CNTNAP2: variants seen among roughly 807,000 people sequenced by gnomAD.
CNTNAP2 encodes the protein contactin-associated protein-like 2.
In CNTNAP2, 98 loss-of-function variants were observed where a neutral mutation model predicts 155.2. The ratio of observed to expected loss-of-function variants is 0.63; its 90% CI spans 0.54 to 0.75. The LOEUF is 0.75. Among genes scored for constraint, CNTNAP2 ranks in the 30% least tolerant of loss-of-function variants. The pLI, the probability that CNTNAP2 is intolerant of heterozygous loss-of-function variation, is 0.00. For missense variants in CNTNAP2, 1,727 were observed against 1,688.1 expected, an observed-to-expected ratio of 1.02 and a Z score of -0.40; for synonymous variants, 651 against 631.2, an observed-to-expected ratio of 1.03 and a Z score of -0.47.
intron 8 of CNTNAP2, among the ~76,000 whole-genome samples, chr7:147,235,185 GT>G (rs112089083): frequency 2.6e-5 from 4 of 151,038 alleles, no homozygotes; most frequent in South Asian, 2.1e-4. Flanking sequence ...CTTAGACATT[GT>G]TTTTTTTTCC....
In CNTNAP2 at chr7:147,353,776, G is replaced by A. The variant is rs192596693; in HGVS notation, c.1499-41833G>A. Among the ~76,000 whole-genome samples, 389 of 152,160 alleles carry A rather than the reference G, an allele frequency of 2.6e-3. 6 individuals carry two copies. The highest frequency in any genetic ancestry group is 0.014 in the South Asian group (65 of 4,812). On this transcript the variant is annotated intron_variant, in intron 9 of 23. Coordinates refer to ENST00000361727, the MANE Select transcript of CNTNAP2 (RefSeq NM_014141.6). ...ACACTCCCACCAACACTGTAAAAGC[G>A]TTTATATTTCTCCACATCTTCTCCA...
intron 13 of CNTNAP2, among the ~76,000 whole-genome samples, chr7:147,778,433 G>A (rs915939438): frequency 2.0e-5 from 3 of 152,124 alleles, no homozygotes; most frequent in African/African-American, 7.2e-5. Flanking sequence ...AAAATGTTCA[G>A]GAATCACATT....
chr7:147,206,471 G>T (rs80257111), intron 8 of CNTNAP2, among the ~76,000 whole-genome samples: 1 of 152,100 alleles, frequency 6.6e-6, no homozygotes, highest in East Asian at 1.9e-4. Flanking sequence ...GCTGAGGCAC[G>T]AGAATCACTT....
chr7:148,253,127 A>C (rs771126368), intron 20 of CNTNAP2, among the ~76,000 whole-genome samples: 1 of 152,092 alleles, frequency 6.6e-6, no homozygotes, highest in East Asian at 1.9e-4. Context: ...ATCAATCCAA[A>C]CTTTGCATCC....
At chr7:147,078,176 A>G (rs2129267463) in intron 4 of CNTNAP2, among the ~76,000 whole-genome samples, 1 of 152,352 alleles carries the variant, frequency 6.6e-6, no homozygotes, top group Non-Finnish European at 1.5e-5. Context: ...TCTCTGCTGC[A>G]AAATATACCT....
At chr7:146,425,428 C>G (rs1041407781) in intron 1 of CNTNAP2, among the ~76,000 whole-genome samples, 4 of 152,120 alleles carry the variant, frequency 2.6e-5, no homozygotes, top group Non-Finnish European at 5.9e-5. Flanking sequence ...AAAGAATTGG[C>G]AAGCAGCCAT....
chr7:148,005,891 G>T (rs10485853), intron 15 of CNTNAP2, among the ~76,000 whole-genome samples: 6,043 of 152,238 alleles, frequency 0.04, 250 homozygotes, highest in East Asian at 0.24. Context: ...ATGGTTTAAT[G>T]TGAGCCATGG....
chr7:148,221,172 T>A (rs2116763707), intron 19 of CNTNAP2, among the ~76,000 whole-genome samples: 1 of 152,346 alleles, frequency 6.6e-6, no homozygotes, highest in Middle Eastern at 3.4e-3. Context: ...AGGGCGTTGA[T>A]CAATGGATTC....
intron 8 of CNTNAP2, among the ~76,000 whole-genome samples, chr7:147,219,861 C>T (rs772831827): frequency 1.2e-4 from 19 of 152,010 alleles, no homozygotes; most frequent in Non-Finnish European, 1.6e-4. Flanking sequence ...CTGCAAGCTC[C>T]GCCTCCCGGG....
intron 8 of CNTNAP2, among the ~76,000 whole-genome samples, chr7:147,134,027 C>T (rs1801429716): frequency 6.6e-6 from 1 of 151,948 alleles, no homozygotes; most frequent in South Asian, 2.1e-4. Context: ...ATGTTTGCCA[C>T]AGTTGAAAAA....
At chr7:146,744,588 AGTT>A (rs1434077117) in intron 1 of CNTNAP2, among the ~76,000 whole-genome samples, 2 of 152,180 alleles carry the variant, frequency 1.3e-5, no homozygotes, top group African/African-American at 4.8e-5. Flanking sequence ...TTGAAAATGG[AGTT>A]GTTAAGTCAA....
At chr7:146,586,038 A>AACAAAC in intron 1 of CNTNAP2, among the ~76,000 whole-genome samples, 1 of 152,124 alleles carries the variant, frequency 6.6e-6, no homozygotes, top group Non-Finnish European at 1.5e-5. Context: ...AAACAAACAA[A>AACAAAC]AGAAAACAAA....
chr7:147,848,641 G>T (rs1196252963), intron 13 of CNTNAP2, among the ~76,000 whole-genome samples: 2 of 151,986 alleles, frequency 1.3e-5, no homozygotes, highest in Non-Finnish European at 2.9e-5. Flanking sequence ...TGCATTTCAA[G>T]TATCTTTTTC....
chr7:147,822,265 C>G (rs1798374001), intron 13 of CNTNAP2, among the ~76,000 whole-genome samples: 1 of 152,150 alleles, frequency 6.6e-6, no homozygotes, highest in Non-Finnish European at 1.5e-5. Context: ...ATTTAGATGA[C>G]TCTTTCAAGT....
chr7:148,236,007 C>T (rs1232624053), intron 20 of CNTNAP2, among the ~76,000 whole-genome samples: 1 of 152,094 alleles, frequency 6.6e-6, no homozygotes, highest in South Asian at 2.1e-4. Context: ...CTTTAAGGCC[C>T]ATTTCCTGCA....
intron 1 of CNTNAP2, among the ~76,000 whole-genome samples, chr7:146,241,476 G>T (rs1395562355): frequency 6.6e-6 from 1 of 152,130 alleles, no homozygotes; most frequent in African/African-American, 2.4e-5. Flanking sequence ...TTTGCTCATA[G>T]TAAAATTTTC....
chr7:148,066,644 C>T (rs1803270333), intron 15 of CNTNAP2, among the ~76,000 whole-genome samples: 1 of 151,838 alleles, frequency 6.6e-6, no homozygotes, highest in Admixed American at 6.6e-5. Flanking sequence ...ACTACAGGCG[C>T]CCACCACCAC....
chr7:147,347,952 A>G (rs826787), intron 9 of CNTNAP2, among the ~76,000 whole-genome samples: 78,809 of 151,838 alleles, frequency 0.52, 21,198 homozygotes, highest in East Asian at 0.72. Flanking sequence ...TCTTCAATAA[A>G]TGGTGTTGGG....
In CNTNAP2 at chr7:147,922,250, G is replaced by A. The variant is rs555121704; in HGVS notation, c.2255+18529G>A. The stretch of plus-strand genomic sequence containing the variant: ...CAATATAAAACAGCCAATCTTTCTT[G>A]TTAAGAGCAGCCCTCACATTTCTAA... On this transcript the variant is annotated intron_variant, in intron 14 of 23. Transcript: ENST00000361727. 1.4e-4 allele frequency among the ~76,000 whole-genome samples: 21 copies of A among 152,328 alleles called. 1 individual carries two copies. In the South Asian group the frequency reaches 3.9e-3, roughly 29 times the overall value.
Sources: allele counts gnomAD v4.1 joint callset (sites outside exome capture counted in the v4.1 genomes callset), GRCh38; gene constraint gnomAD v4.1.1; transcripts MANE v1.5; gene names NCBI Gene and HGNC (gene_info 2026-07-23, HGNC 2026-07-21).